RANBP2: variants seen among roughly 807,000 people sequenced by gnomAD.
RANBP2 encodes the protein RAN binding protein 2.
Under a neutral mutation model 303.6 loss-of-function variants are expected in RANBP2, and 57 were observed. That is an observed-to-expected ratio of 0.19 (90% CI 0.15 to 0.23). RANBP2 has a LOEUF of 0.23. Ranked by LOEUF, RANBP2 falls within the 10% of genes least tolerant of loss-of-function variation. The pLI is 1.00. For missense variants in RANBP2, 3,138 were observed against 3,780.8 expected, an observed-to-expected ratio of 0.83 and a Z score of 4.46; for synonymous variants, 1,167 against 1,301.5, an observed-to-expected ratio of 0.90 and a Z score of 2.23.
chr2:108,858,241 C>T, the RANBP2 span, among the ~76,000 whole-genome samples: 9 of 152,136 alleles, frequency 5.9e-5, no homozygotes, highest in South Asian at 4.2e-4. Context: ...CTACTCAGGA[C>T]GCTGAGGCAG....
At chr2:109,170,310 TTCTCTC>T in the RANBP2 span, among the ~76,000 whole-genome samples, 2 of 132,688 alleles carry the variant, frequency 1.5e-5, no homozygotes, top group South Asian at 4.9e-4. Context: ...TTCTCTTCTC[TTCTCTC>T]CTCTCTCTCT....
the RANBP2 span, among the ~76,000 whole-genome samples, chr2:109,450,627 CTA>C: frequency 1.3e-5 from 2 of 152,152 alleles, no homozygotes; most frequent in Non-Finnish European, 2.9e-5. Context: ...AACATGTAAC[CTA>C]TGTTTTAAAA....
At chr2:109,626,418 G>A in the RANBP2 span, among the ~76,000 whole-genome samples, 2 of 152,014 alleles carry the variant, frequency 1.3e-5, no homozygotes, top group Non-Finnish European at 2.9e-5. Flanking sequence ...AGAGTGAGCT[G>A]AGATTCCGCC....
chr2:109,088,801 C>G, the RANBP2 span, among the ~76,000 whole-genome samples: 1 of 152,286 alleles, frequency 6.6e-6, no homozygotes, highest in Non-Finnish European at 1.5e-5. Context: ...TGTGAGCCAC[C>G]ATGCCCGGCC....
the RANBP2 span, among the ~76,000 whole-genome samples, chr2:109,472,399 A>C: frequency 6.6e-6 from 1 of 152,160 alleles, no homozygotes; most frequent in Non-Finnish European, 1.5e-5. Flanking sequence ...TAAGAAGCAC[A>C]GAAAGAGGAA....
At chr2:109,546,064 G>A in the RANBP2 span, 34 of 1,589,466 alleles carry the variant, frequency 2.1e-5, 1 homozygote, top group Middle Eastern at 6.0e-4. Context: ...TACGGTCCTT[G>A]TCCTTCCTCA....
the RANBP2 span, among the ~76,000 whole-genome samples, chr2:109,772,987 G>A: frequency 6.6e-5 from 10 of 151,730 alleles, no homozygotes; most frequent in Non-Finnish European, 1.3e-4. Context: ...AGTGGGGAAA[G>A]AGGAACCCTT....
the RANBP2 span, among the ~76,000 whole-genome samples, chr2:108,874,009 T>A: frequency 6.6e-6 from 1 of 152,114 alleles, no homozygotes; most frequent in South Asian, 2.1e-4. Flanking sequence ...AGAATTAGAG[T>A]TCTGATCTCA....
At chr2:109,600,133 G>A in the RANBP2 span, among the ~76,000 whole-genome samples, 1 of 151,888 alleles carries the variant, frequency 6.6e-6, no homozygotes. Context: ...GGGATGTCAG[G>A]GCTGCCTGGC....
At chr2:109,141,263 C>T in the RANBP2 span, among the ~76,000 whole-genome samples, 62,349 of 152,034 alleles carry the variant, frequency 0.41, 14,509 homozygotes, top group South Asian at 0.53. Context: ...CTCTGTGGGC[C>T]GTGCGCATTC....
chr2:108,947,311 G>C, the RANBP2 span, among the ~76,000 whole-genome samples: 548 of 152,302 alleles, frequency 3.6e-3, 3 homozygotes, highest in Middle Eastern at 6.8e-3. Context: ...TCATGGGCTG[G>C]TGTTGAGTGC....
rs962492422 is a variant in RANBP2, at chr2:108,748,872, C to T, written c.1064-48C>T. On this transcript the variant is annotated intron_variant, in intron 8 of 28. Transcript: ENST00000283195. Reference sequence around the variant, plus strand: ...ACAAATGAGACAACGTGAGCAAATACAATCTGTAATTTTAAAGTGATGGAA... The same window carrying T: ...ACAAATGAGACAACGTGAGCAAATATAATCTGTAATTTTAAAGTGATGGAA... 7.4e-6 allele frequency: 12 copies of T among 1,611,642 alleles called. No homozygotes were observed. The Admixed American group carries it at 1.8e-4, about 25-fold the overall frequency.
chr2:108,772,532 A>G lies in RANBP2; in HGVS notation c.8064A>G (p.Leu2688=), dbSNP rs200696945. 14 of 1,613,872 alleles carry G rather than the reference A, an allele frequency of 8.7e-6. No individual in the cohort carries two copies. The East Asian group carries it at 2.0e-4, about 23-fold the overall frequency. ...CTGTCAAGAAACTTAATGGAAAACT[A>G]TATTTGGATGGCTCAGAAAAATGTA... The part of the protein sequence containing the change: ...ETAVKKLNGK[L]YLDGSEKCRP... The change falls in exon 22 of 29, where the codon CTA becomes CTG. Residue 2688 remains leucine, a synonymous_variant. Coordinates refer to ENST00000283195, the MANE Select transcript of RANBP2 (RefSeq NM_006267.5).
At chr2:108,916,165 AT>A in the RANBP2 span, among the ~76,000 whole-genome samples, 2 of 152,146 alleles carry the variant, frequency 1.3e-5, no homozygotes, top group African/African-American at 4.8e-5. Context: ...AATTTCCTTT[AT>A]AAGAGCAAAC....
chr2:109,146,185 C>A, the RANBP2 span, among the ~76,000 whole-genome samples: 1 of 152,258 alleles, frequency 6.6e-6, no homozygotes, highest in South Asian at 2.1e-4. Context: ...GCATGGTACA[C>A]TAATAATGGC....
the RANBP2 span, chr2:109,545,576 T>G: frequency 6.5e-7 from 1 of 1,534,762 alleles, no homozygotes; most frequent in Non-Finnish European, 8.7e-7. Flanking sequence ...AAAATCAGTA[T>G]CAGTAGAATT....
chr2:109,661,773 A>G, the RANBP2 span, among the ~76,000 whole-genome samples: 24 of 152,322 alleles, frequency 1.6e-4, no homozygotes, highest in African/African-American at 5.8e-4. Context: ...GATGCCCTAC[A>G]GGTAAACCTG....
the RANBP2 span, among the ~76,000 whole-genome samples, chr2:109,241,913 C>A: frequency 1.3e-5 from 2 of 151,898 alleles, no homozygotes; most frequent in Admixed American, 1.3e-4. Flanking sequence ...CTACAGGGGC[C>A]CACCACCTCT....
chr2:109,203,398 G>A, the RANBP2 span, among the ~76,000 whole-genome samples: 12 of 152,182 alleles, frequency 7.9e-5, no homozygotes, highest in African/African-American at 2.7e-4. Context: ...GGGTGTTTCC[G>A]CGTCCCTACG....
Sources: allele counts gnomAD v4.1 joint callset (sites outside exome capture counted in the v4.1 genomes callset), GRCh38; gene constraint gnomAD v4.1.1; transcripts MANE v1.5; gene names NCBI Gene and HGNC (gene_info 2026-07-23, HGNC 2026-07-21).